Variants in MCCC1 observed in about 807,000 individuals in gnomAD.
The protein encoded by MCCC1 is methylcrotonoyl-CoA carboxylase subunit alpha, mitochondrial.
A neutral mutation model predicts 83.8 loss-of-function variants in MCCC1; 64 were observed. The ratio of observed to expected loss-of-function variants is 0.76; its 90% confidence interval spans 0.62 to 0.94. MCCC1 has a LOEUF of 0.94. Ranked by LOEUF, MCCC1 falls within the 40% of genes least tolerant of loss-of-function variation. MCCC1 has a pLI of 0.00. For synonymous variants in MCCC1, 322 were observed against 315.4 expected (o/e 1.02, Z -0.22); for missense variants, 807 against 904.7 (o/e 0.89, Z 1.39).
At chr3:183,025,919 A>G in intron 14 of MCCC1, 115 bp from the exon 15 acceptor site, 1 of 889,340 alleles carries the variant, frequency 1.1e-6, no homozygotes, top group Non-Finnish European at 1.8e-6. Context: ...TCAAAGGAAA[A>G]TCAACAACTT....
At chr3:183,017,414 C>T (rs1304450801) in intron 17 of MCCC1, 77 bp from the exon 18 acceptor site, 2 of 1,286,358 alleles carry the variant, frequency 1.6e-6, no homozygotes, top group Admixed American at 1.7e-5. Context: ...ATTATAGTAA[C>T]CATTTTACTG....
At chr3:183,038,379 G>A (rs1391299070) in intron 12 of MCCC1, among the ~76,000 whole-genome samples, 1 of 152,156 alleles carries the variant, frequency 6.6e-6, no homozygotes, top group Non-Finnish European at 1.5e-5. Flanking sequence ...GGAATGCATG[G>A]CTCCATGCTG....
chr3:183,033,909 G>A, intron 14 of MCCC1, 82 bp downstream of exon 14: 1 of 1,079,244 alleles, frequency 9.3e-7, no homozygotes, highest in Non-Finnish European at 1.4e-6. Flanking sequence ...GACTGATCAT[G>A]GCCAGGCTGG....
chr3:183,029,908 C>T (rs1712909352), intron 14 of MCCC1, among the ~76,000 whole-genome samples: 1 of 152,098 alleles, frequency 6.6e-6, no homozygotes, highest in Admixed American at 6.5e-5. Context: ...GACCCCATTC[C>T]AAATACTTGG....
rs538103076 is a variant in MCCC1, at chr3:183,105,616, C to T, written c.-102+9858G>A. ...ATATTTATTGTACACCCTTTTGCATCTTTTGCGTTTCGTACCTTAGGCCTG... is the reference window on the plus strand; with the variant it reads ...ATATTTATTGTACACCCTTTTGCATTTTTTGCGTTTCGTACCTTAGGCCTG... On this transcript the variant is annotated intron_variant, in intron 1 of 17. Coordinates refer to the MCCC1 transcript ENST00000492597. Among the ~76,000 whole-genome samples, 14 of 152,074 alleles carry T rather than the reference C, an allele frequency of 9.2e-5. No homozygotes were observed. In the South Asian group the frequency reaches 2.9e-3, roughly 32 times the overall value.
chr3:183,043,822 T>A (rs966664625), intron 10 of MCCC1, among the ~76,000 whole-genome samples: 4 of 152,182 alleles, frequency 2.6e-5, no homozygotes, highest in African/African-American at 9.6e-5. Context: ...CTTAGAAACC[T>A]TTTTTTCTCT....
At position 183,015,543 on chromosome 3, in the gene MCCC1, A is replaced by T; in HGVS notation, c.2073T>A (p.Asp691Glu). ...TGTAGAACACTTTCTTTACTGTGCC[A>T]TCCTTTGGAGACTTTATGGTATGCT... is the stretch of plus-strand genomic sequence containing the variant. Reference protein sequence around the residue: ...KMEHTIKSPKDGTVKKVFYRE... With the variant: ...KMEHTIKSPKEGTVKKVFYRE... Residue 691 changes from aspartate (D) to glutamate (E), a missense_variant, in exon 19 of 19, where the codon GAT (aspartate) becomes GAA (glutamate). By Grantham distance (45) the Asp-to-Glu change is conservative. Coordinates refer to ENST00000265594, the MANE Select transcript of MCCC1 (RefSeq NM_020166.5). 1 of 1,614,164 alleles carries T rather than the reference A, an allele frequency of 6.2e-7. No individual in the cohort carries two copies. The highest frequency in any genetic ancestry group is 2.2e-5 in the East Asian group (1 of 44,884).
intron 7 of MCCC1, among the ~76,000 whole-genome samples, chr3:183,068,519 C>A (rs1383841997): frequency 6.6e-6 from 1 of 152,238 alleles, no homozygotes; most frequent in East Asian, 1.9e-4. Context: ...AAAATGGCAA[C>A]CAGCAGCCCT....
chr3:183,081,755 A>G (rs1291141601), intron 4 of MCCC1, among the ~76,000 whole-genome samples: 1 of 152,184 alleles, frequency 6.6e-6, no homozygotes, highest in Non-Finnish European at 1.5e-5. Flanking sequence ...TTGCCCTGCT[A>G]ATGCTGTTCA....
At chr3:183,026,575 C>T (rs1712620045) in intron 14 of MCCC1, among the ~76,000 whole-genome samples, 2 of 152,018 alleles carry the variant, frequency 1.3e-5, no homozygotes, top group Non-Finnish European at 2.9e-5. Flanking sequence ...CCAGGCATGG[C>T]GGCACGTGCC....
chr3:183,096,023 T>C (rs1718707977), intron 1 of MCCC1, among the ~76,000 whole-genome samples: 1 of 152,042 alleles, frequency 6.6e-6, no homozygotes, highest in African/African-American at 2.4e-5. Flanking sequence ...AAGTATAACG[T>C]CTATTAAGTT....
intron 16 of MCCC1, 42 bp downstream of exon 16, chr3:183,022,374 TC>T (rs1712227196): frequency 1.2e-6 from 2 of 1,607,950 alleles, no homozygotes; most frequent in Non-Finnish European, 1.7e-6. Flanking sequence ...CAAACAGTTT[TC>T]TCCCATGCCC....
upstream of MCCC1, among the ~76,000 whole-genome samples, chr3:183,101,034 C>G (rs1248416990): frequency 6.6e-6 from 1 of 152,258 alleles, no homozygotes; most frequent in Non-Finnish European, 1.5e-5. Context: ...GGGGACTTAG[C>G]ACCCGGGCCA....
chr3:183,044,377 A>G (rs1020821055), intron 10 of MCCC1, among the ~76,000 whole-genome samples: 1 of 152,248 alleles, frequency 6.6e-6, no homozygotes, highest in Non-Finnish European at 1.5e-5. Flanking sequence ...AACTATCCAT[A>G]GTAAAAGAAC....
At position 183,022,472 on chromosome 3, in the gene MCCC1, A is replaced by C; in HGVS notation, c.1814T>G (p.Val605Gly). The change falls in exon 16 of 19, where the codon GTT becomes GGT. Residue 605 changes from valine to glycine, a missense_variant. Transcript: ENST00000265594. ...GATAATCAGCTTCGCTTTACTAGCA[A>C]CTCCATTAACAGAACATTTCAGGTA... The part of the protein sequence containing the change: ...CTYLKCSVNG[V>G]ASKAKLIILE... 5 of 1,614,028 alleles carry C rather than the reference A, an allele frequency of 3.1e-6. No individual in the cohort carries two copies. Among genetic ancestry groups the C allele is most frequent in the Non-Finnish European group, 4.2e-6 (5 of 1,179,960 alleles).
chr3:183,092,284 A>T (rs112591444), intron 3 of MCCC1, 125 bp downstream of exon 3: 6 of 1,122,444 alleles, frequency 5.3e-6, no homozygotes, highest in African/African-American at 4.6e-5. Context: ...AGCAGTGAGC[A>T]GTTTGAACTT....
Position 183,039,041 on chromosome 3 carries a change from G to A in MCCC1, c.1362C>T (p.Ser454=), listed in dbSNP as rs1713850353. The stretch of plus-strand genomic sequence containing the variant: ...GATCACTCACATTGTACTGACGAAG[G>A]CTGTACCTCAGTTTTGTCAATGCCG... ...RQAALTKLRY[S]LRQYNIVGLH... Residue 454 remains serine (S), a synonymous_variant, in exon 12 of 19, where the codon AGC becomes AGT. Transcript: ENST00000265594. The A allele has an allele frequency of 6.2e-7, 1 of 1,613,940 alleles. No individual in the cohort carries two copies. The highest frequency in any genetic ancestry group is 1.7e-5 in the Admixed American group (1 of 60,006).
intron 15 of MCCC1, 120 bp downstream of exon 15, chr3:183,025,635 C>T: frequency 5.4e-6 from 5 of 918,692 alleles, no homozygotes; most frequent in Non-Finnish European, 8.9e-6. Context: ...ATAAGATATT[C>T]TCTTAACTAC....
chr3:183,058,301 T>C (rs1715575504), intron 7 of MCCC1, among the ~76,000 whole-genome samples: 2 of 152,204 alleles, frequency 1.3e-5, no homozygotes, highest in South Asian at 4.1e-4. Flanking sequence ...CAGAAATACA[T>C]GAACAATAAA....
Sources: gnomAD v4.1 joint callset for allele counts (sites outside exome capture counted in the v4.1 genomes callset) on GRCh38, gnomAD v4.1.1 for gene constraint, MANE v1.5 for transcripts, NCBI Gene and HGNC (gene_info 2026-07-23, HGNC 2026-07-21) for gene names.